The following MYOM3 variants were observed in gnomAD, a reference collection of about 807,000 sequenced individuals.
MYOM3 encodes the protein myomesin-3.
A neutral mutation model predicts 191.7 loss-of-function variants in MYOM3; 155 were observed. The observed-to-expected ratio is 0.81, with a 90% CI of 0.71 to 0.92. The LOEUF (loss-of-function observed/expected upper bound fraction) is 0.92. Among genes scored for constraint, MYOM3 ranks in the 40% least tolerant of loss-of-function variants. The probability of loss-of-function intolerance (pLI) is 0.00; values close to 1 mark genes in which losing one functional copy is unlikely to be tolerated. For synonymous variants in MYOM3, 757 were observed against 762.9 expected, an observed-to-expected ratio of 0.99 and a Z score of 0.13; for missense variants, 1,889 against 1,890.6, an observed-to-expected ratio of 1.00 and a Z score of 0.02.
intron 6 of MYOM3, among the ~76,000 whole-genome samples, chr1:24,098,621 T>C (rs997520397): frequency 1.6e-4 from 24 of 152,210 alleles, no homozygotes; most frequent in African/African-American, 5.8e-4. Context: ...CAGAGGCCCC[T>C]TGGTGCCTCC....
chr1:24,082,037 C>G lies in MYOM3; in HGVS notation c.2244G>C (p.Ala748=). 1 of 1,612,032 alleles carries G rather than the reference C, an allele frequency of 6.2e-7. No individual in the cohort carries two copies. The highest frequency in any genetic ancestry group is 1.1e-5 in the South Asian group (1 of 90,878). The change falls in exon 18 of 37, where the codon GCG becomes GCC. Residue 748 remains alanine (A), a synonymous_variant. Transcript: ENST00000374434. ...QHDSEELDWH[A]VNQQPIPTRV... Reference sequence around the variant, plus strand: ...GGGTGGGGATGGGCTGCTGATTGACCGCATGCCAGTCCAGCTCTTCCGAGT... The same window carrying G: ...GGGTGGGGATGGGCTGCTGATTGACGGCATGCCAGTCCAGCTCTTCCGAGT...
intron 9 of MYOM3, among the ~76,000 whole-genome samples, chr1:24,093,606 G>A (rs1184907234): frequency 6.6e-6 from 1 of 152,024 alleles, no homozygotes; most frequent in Non-Finnish European, 1.5e-5. Context: ...TGGGAGCTTA[G>A]GAGGTGGATG....
chr1:24,059,085 C>T (rs1643337601), intron 35 of MYOM3, 106 bp from the exon 36 acceptor site: 2 of 742,038 alleles, frequency 2.7e-6, no homozygotes, highest in South Asian at 1.8e-5. Flanking sequence ...TCTTTTTTTT[C>T]CTTTTTCTAT....
At position 24,068,029 on chromosome 1, in the gene MYOM3, T is replaced by C. The variant is rs1377666622; in HGVS notation, c.3296A>G (p.Asp1099Gly). ...NQITLTLVDD[D>G]FDKLLRKADA... is the part of the protein sequence containing the mutation. Reference sequence around the variant, plus strand: ...TGCCTTCCTCAGAAGCTTGTCAAAATCTGTGAACACAGAGGGAGGAACTGG... The same window carrying C: ...TGCCTTCCTCAGAAGCTTGTCAAAACCTGTGAACACAGAGGGAGGAACTGG... Residue 1099 changes from aspartate to glycine, a missense_variant and splice_region_variant, in exon 27 of 37, where the codon GAT (aspartate) becomes GGT (glycine). Coordinates refer to ENST00000374434, the MANE Select transcript of MYOM3 (RefSeq NM_152372.4). 6.2e-7 allele frequency: 1 copy of C among 1,614,172 alleles called. No individual in the cohort carries two copies. Among genetic ancestry groups the C allele is most frequent in the Non-Finnish European group, 8.5e-7 (1 of 1,179,996 alleles).
intron 23 of MYOM3, among the ~76,000 whole-genome samples, chr1:24,072,230 C>T (rs1312803300): frequency 6.6e-6 from 1 of 152,166 alleles, no homozygotes; most frequent in East Asian, 1.9e-4. Flanking sequence ...TGCTGCTGGC[C>T]ACCCTGAGAT....
chr1:24,081,267 ATTGGGTAGGT>A, intron 19 of MYOM3, 53 bp downstream of exon 19: 1 of 1,594,918 alleles, frequency 6.3e-7, no homozygotes, highest in Non-Finnish European at 8.6e-7. Flanking sequence ...CCTTCATCTC[ATTGGGTAGGT>A]TTGGGAAGGA....
rs1365176344 is a variant in MYOM3, at chr1:24,063,766, T to C, written c.3623-236A>G. Among the ~76,000 whole-genome samples the C allele has an allele frequency of 2.6e-5, 4 of 152,076 alleles. No homozygotes were observed. The highest frequency in any genetic ancestry group is 1.3e-4 in the Admixed American group (2 of 15,266). On this transcript the variant is annotated intron_variant, in intron 30 of 36. Transcript: ENST00000374434. The surrounding 1 kb of genome is among the most constrained non-coding windows in gnomAD (Gnocchi z 4.5). ...ACAAACATGCAAATCTGACAGTTTT[T>C]GCAGGCTGAGCTGATCAGCCTGATG... is the stretch of plus-strand genomic sequence containing the variant.
chr1:24,076,461 T>C (rs1427001064), intron 20 of MYOM3, among the ~76,000 whole-genome samples, 188 bp from the exon 21 acceptor site: 2 of 151,306 alleles, frequency 1.3e-5, no homozygotes, highest in African/African-American at 2.4e-5. Flanking sequence ...TCTTGGGTCC[T>C]CTCCACCAAT....
At chr1:24,070,337 A>C (rs1268777599) in intron 25 of MYOM3, among the ~76,000 whole-genome samples, 1 of 151,990 alleles carries the variant, frequency 6.6e-6, no homozygotes, top group East Asian at 1.9e-4. Context: ...GTAACATTGC[A>C]CACTTTGGGA....
At chr1:24,075,183 C>T in intron 22 of MYOM3, 136 bp downstream of exon 22, 1 of 790,608 alleles carries the variant, frequency 1.3e-6, no homozygotes, top group Non-Finnish European at 2.1e-6. Flanking sequence ...TCAGCGTCCT[C>T]AGTGAAAGAC....
intron 5 of MYOM3, among the ~76,000 whole-genome samples, chr1:24,104,544 CG>C (rs1480820724): frequency 6.6e-6 from 1 of 152,070 alleles, no homozygotes; most frequent in Non-Finnish European, 1.5e-5. Context: ...GGCACAATCT[CG>C]GCTCACTGCA....
In MYOM3 at chr1:24,057,429, T is replaced by C. The variant is rs775387849; in HGVS notation, c.4249A>G (p.Thr1417Ala). 1.2e-5 allele frequency: 19 copies of C among 1,614,042 alleles called. No individual in the cohort carries two copies. Among genetic ancestry groups the C allele is most frequent in the Middle Eastern group, 1.6e-4 (1 of 6,066 alleles). ...AACACACTGATGGTGACCTGGCCCG[T>C]CTCGGAGCCATACTTGTTCTTGACG... ...VFVKNKYGSE[T>A]GQVTISVFKH... The change falls in exon 37 of 37, where the codon ACG (threonine) becomes GCG (alanine). Residue 1417 changes from threonine to alanine, a missense_variant. Physicochemically the swap from Thr to Ala is moderately conservative, Grantham distance 58. Coordinates refer to ENST00000374434, the MANE Select transcript of MYOM3 (RefSeq NM_152372.4).
chr1:24,067,324 CCTTCTTTCT>C (rs1643453614), intron 27 of MYOM3, among the ~76,000 whole-genome samples: 1 of 100,514 alleles, frequency 9.9e-6, no homozygotes, highest in South Asian at 3.7e-4. Flanking sequence ...TTCTTTCTTT[CCTTCTTTCT>C]TTCTTTCTTT....
intron 16 of MYOM3, 62 bp from the exon 17 acceptor site, chr1:24,082,776 G>C: frequency 6.7e-7 from 1 of 1,499,246 alleles, no homozygotes; most frequent in Non-Finnish European, 8.9e-7. Context: ...TCCCAAACTT[G>C]CTAGAACAAC....
rs188088802 is a variant in MYOM3, at chr1:24,101,024, T to C, written c.561-1249A>G. Among the ~76,000 whole-genome samples, 515 of 152,232 alleles carry C rather than the reference T, an allele frequency of 3.4e-3. 4 individuals carry two copies. Among genetic ancestry groups the C allele is most frequent in the African/African-American group, 0.011 (466 of 41,536 alleles). On this transcript the variant is annotated intron_variant, in intron 5 of 36. Coordinates refer to ENST00000374434, the MANE Select transcript of MYOM3 (RefSeq NM_152372.4). ...GAATTTACCCACGGGCCACCCAATA[T>C]ATGACGGATCTCCTTGCCTCTCTTT...
At chr1:24,075,511 T>C in intron 21 of MYOM3, 36 bp from the exon 22 acceptor site, 2 of 1,526,494 alleles carry the variant, frequency 1.3e-6, no homozygotes, top group South Asian at 2.6e-5. Flanking sequence ...AGCGGATGTT[T>C]ATGCATAATA....
chr1:24,089,263 G>A (rs964158372), intron 14 of MYOM3, among the ~76,000 whole-genome samples: 6 of 152,168 alleles, frequency 3.9e-5, no homozygotes, highest in African/African-American at 1.4e-4. Flanking sequence ...AGGAAGTGGT[G>A]GATCGTATTG....
chr1:24,063,573 C>T lies in MYOM3; in HGVS notation c.3623-43G>A, dbSNP rs1214519822. ...GAAGGGTTAGCTGGCATAGGGCTCC[C>T]CTAGGGATGTGCTAGGAGTGGGGAC... On this transcript the variant is annotated intron_variant, in intron 30 of 36. Coordinates refer to ENST00000374434, the MANE Select transcript of MYOM3 (RefSeq NM_152372.4). This position sits in a 1 kb window ranked among gnomAD's most constrained non-coding sequence, Gnocchi z 4.5. 2 of 1,612,156 alleles carry T rather than the reference C, an allele frequency of 1.2e-6. No homozygotes were observed. The highest frequency in any genetic ancestry group is 1.7e-6 in the Non-Finnish European group (2 of 1,178,454).
At chr1:24,082,228 G>T (rs1368932338) in intron 17 of MYOM3, 40 bp from the exon 18 acceptor site, 2 of 1,534,526 alleles carry the variant, frequency 1.3e-6, no homozygotes, top group African/African-American at 2.7e-5. Flanking sequence ...TGCTCCCTAG[G>T]GGTGGCTGGA....
Sources: allele counts gnomAD v4.1 joint callset (sites outside exome capture counted in the v4.1 genomes callset), GRCh38; gene constraint gnomAD v4.1.1; non-coding constraint Gnocchi (gnomAD v3.1); transcripts MANE v1.5; gene names NCBI Gene and HGNC (gene_info 2026-07-23, HGNC 2026-07-21).